The following ASIC2 variants were observed in gnomAD, a reference collection of about 807,000 sequenced individuals.
The protein encoded by ASIC2 is acid-sensing ion channel 2.
Under a neutral mutation model 57.3 loss-of-function variants are expected in ASIC2, and 25 were observed. The ratio of observed to expected loss-of-function variants is 0.44; its 90% CI spans 0.32 to 0.61. ASIC2 has a LOEUF of 0.61. Among genes scored for constraint, ASIC2 ranks in the 20% least tolerant of loss-of-function variants. The pLI is 0.06. For missense variants in ASIC2, 641 were observed against 738.1 expected (o/e 0.87, Z 1.52); for synonymous variants, 319 against 307.5 (o/e 1.04, Z -0.39).
intron 8 of ASIC2, among the ~76,000 whole-genome samples, chr17:33,016,802 TTGGAAGTTC>T (rs1174801533): frequency 6.6e-6 from 1 of 151,908 alleles, no homozygotes; most frequent in East Asian, 1.9e-4. Flanking sequence ...CAGGCATTCT[TTGGAAGTTC>T]TGGAGCCATT....
chr17:34,132,076 T>C (rs1911990939), intron 1 of ASIC2, among the ~76,000 whole-genome samples: 1 of 152,180 alleles, frequency 6.6e-6, no homozygotes, highest in Non-Finnish European at 1.5e-5. Flanking sequence ...ATAATGCCTC[T>C]GCAGGGGACA....
intron 1 of ASIC2, among the ~76,000 whole-genome samples, chr17:33,621,494 C>T (rs1030378215): frequency 2.0e-5 from 3 of 152,160 alleles, no homozygotes; most frequent in Non-Finnish European, 2.9e-5. Context: ...GGCCAGTGTA[C>T]GCTGGTTCAT....
At chr17:33,794,935 G>T (rs1911873133) in intron 1 of ASIC2, among the ~76,000 whole-genome samples, 1 of 152,098 alleles carries the variant, frequency 6.6e-6, no homozygotes, top group African/African-American at 2.4e-5. Flanking sequence ...AGACACTTGG[G>T]CCCTCTGAGA....
intron 1 of ASIC2, chr17:33,955,315 T>A (rs1446695554): frequency 6.6e-6 from 1 of 152,240 alleles, no homozygotes; most frequent in Non-Finnish European, 1.5e-5. Context: ...AATCCACCCT[T>A]CTCTGTGCAG....
chr17:34,025,940 G>A (rs1907361657), intron 1 of ASIC2, among the ~76,000 whole-genome samples: 1 of 152,222 alleles, frequency 6.6e-6, no homozygotes, highest in African/African-American at 2.4e-5. Context: ...CATAGCAGCT[G>A]TGCAACTTTG....
chr17:33,828,166 T>C (rs1912997690), intron 1 of ASIC2: 1 of 152,194 alleles, frequency 6.6e-6, no homozygotes. Flanking sequence ...CTATTGACAA[T>C]AGTTCTGCAA....
At chr17:33,434,728 C>T (rs1358372706) in intron 1 of ASIC2, among the ~76,000 whole-genome samples, 1 of 152,086 alleles carries the variant, frequency 6.6e-6, no homozygotes, top group East Asian at 1.9e-4. Flanking sequence ...AACCAAAGAG[C>T]CATTGATAGT....
chr17:33,327,425 G>T (rs1344659000), intron 1 of ASIC2, among the ~76,000 whole-genome samples: 1 of 152,144 alleles, frequency 6.6e-6, no homozygotes, highest in African/African-American at 2.4e-5. Flanking sequence ...ATATACAGTA[G>T]TTACCTGGTA....
chr17:33,142,110 G>A (rs1904340380), intron 1 of ASIC2, among the ~76,000 whole-genome samples: 1 of 152,124 alleles, frequency 6.6e-6, no homozygotes, highest in Admixed American at 6.6e-5. Context: ...TGCTTTTTCA[G>A]CACTCTGCAC....
At chr17:33,847,865 A>C (rs2141913244) in intron 1 of ASIC2, among the ~76,000 whole-genome samples, 1 of 152,278 alleles carries the variant, frequency 6.6e-6, no homozygotes, top group Admixed American at 6.5e-5. Flanking sequence ...TTAGGCAGGC[A>C]AGGGGCAGCA....
chr17:33,508,413 C>T (rs924982130), intron 1 of ASIC2, among the ~76,000 whole-genome samples: 3 of 152,114 alleles, frequency 2.0e-5, no homozygotes, highest in East Asian at 1.9e-4. Flanking sequence ...AGTGTGACAG[C>T]GTTATCTCGG....
intron 1 of ASIC2, among the ~76,000 whole-genome samples, chr17:34,135,956 A>C (rs957946678): frequency 4.6e-5 from 7 of 152,112 alleles, no homozygotes; most frequent in African/African-American, 1.4e-4. Flanking sequence ...CAATCAAAAA[A>C]CAATTATAAG....
At chr17:33,090,452 T>C (rs2092153024) in intron 2 of ASIC2, among the ~76,000 whole-genome samples, 1 of 152,056 alleles carries the variant, frequency 6.6e-6, no homozygotes, top group Non-Finnish European at 1.5e-5. Flanking sequence ...AATGAATAAA[T>C]GGGAGATTTA....
chr17:33,925,014 G>T (rs1325077484), intron 1 of ASIC2, among the ~76,000 whole-genome samples: 1 of 152,236 alleles, frequency 6.6e-6, no homozygotes, highest in Non-Finnish European at 1.5e-5. Flanking sequence ...TCTATACTCA[G>T]CTGAGCAGAA....
chr17:33,500,888 T>C (rs913678506), intron 1 of ASIC2, among the ~76,000 whole-genome samples: 5 of 152,270 alleles, frequency 3.3e-5, no homozygotes, highest in Admixed American at 3.3e-4. Flanking sequence ...GCTGGCCTGG[T>C]GTTCCTTGTA....
intron 1 of ASIC2, among the ~76,000 whole-genome samples, chr17:33,497,741 C>T (rs904400620): frequency 6.6e-6 from 1 of 152,160 alleles, no homozygotes; most frequent in African/African-American, 2.4e-5. Flanking sequence ...GAAGGATACT[C>T]AACTTACTTT....
At chr17:33,114,990 A>G (rs1191410885) in intron 1 of ASIC2, among the ~76,000 whole-genome samples, 2 of 152,176 alleles carry the variant, frequency 1.3e-5, no homozygotes, top group Non-Finnish European at 2.9e-5. Flanking sequence ...TGGGAATGGA[A>G]GCCTCATGAA....
At chr17:33,777,336 C>A (rs1362503088) in intron 1 of ASIC2, among the ~76,000 whole-genome samples, 5 of 152,326 alleles carry the variant, frequency 3.3e-5, no homozygotes, top group Admixed American at 2.0e-4. Flanking sequence ...TTATCACCAG[C>A]CTTCATCACA....
chr17:33,811,830 C>T (rs1912431088), intron 1 of ASIC2, among the ~76,000 whole-genome samples: 1 of 152,198 alleles, frequency 6.6e-6, no homozygotes. Flanking sequence ...AAGTTAATCA[C>T]AGTACTGGCA....
Sources: gnomAD v4.1 joint callset for allele counts (sites outside exome capture counted in the v4.1 genomes callset) on GRCh38, gnomAD v4.1.1 for gene constraint, MANE v1.5 for transcripts, NCBI Gene and HGNC (gene_info 2026-07-23, HGNC 2026-07-21) for gene names.